Variants in RUSC2 observed in about 807,000 individuals in gnomAD.
RUSC2 encodes the protein AP-4 complex accessory subunit RUSC2.
In RUSC2, 34 loss-of-function variants were observed where a neutral mutation model predicts 122.2. That is an observed-to-expected ratio of 0.28 (90% CI 0.21 to 0.37). The LOEUF (loss-of-function observed/expected upper bound fraction) is 0.37, where lower values mean the gene tolerates loss of function less well. RUSC2 is among the 10% of genes least tolerant of loss of function. RUSC2 has a pLI of 1.00. For synonymous variants in RUSC2, 784 were observed against 790.0 expected, an observed-to-expected ratio of 0.99 and a Z score of 0.13; for missense variants, 1,747 against 1,952.4, an observed-to-expected ratio of 0.89 and a Z score of 1.98.
At chr9:35,509,673 C>T (rs1820978622) in intron 1 of RUSC2, among the ~76,000 whole-genome samples, 1 of 152,114 alleles carries the variant, frequency 6.6e-6, no homozygotes, top group African/African-American at 2.4e-5. Flanking sequence ...CTGTTGTAAA[C>T]TGGTAAATTG....
At chr9:35,529,615 C>T (rs1181325369) in intron 1 of RUSC2, among the ~76,000 whole-genome samples, 1 of 151,026 alleles carries the variant, frequency 6.6e-6, no homozygotes, top group Non-Finnish European at 1.5e-5. Context: ...AACCTATTGA[C>T]ACACTAGATG....
intron 1 of RUSC2, among the ~76,000 whole-genome samples, chr9:35,502,654 C>T (rs902586271): frequency 6.6e-6 from 1 of 151,996 alleles, no homozygotes; most frequent in Non-Finnish European, 1.5e-5. Context: ...CTACAAAAGA[C>T]AAGTATAAAA....
chr9:35,555,714 G>C lies in RUSC2; in HGVS notation c.2656+13G>C, dbSNP rs747572258. The C allele has an allele frequency of 6.3e-7, 1 of 1,575,582 alleles. No individual in the cohort carries two copies. Among genetic ancestry groups the C allele is most frequent in the Non-Finnish European group, 8.5e-7 (1 of 1,173,418 alleles). On this transcript the variant is annotated intron_variant, in intron 3 of 11. Coordinates refer to ENST00000361226, the MANE Select transcript of RUSC2 (RefSeq NM_014806.5). This position sits in a 1 kb window ranked among gnomAD's most constrained non-coding sequence, Gnocchi z 4.6. ...AGGCCCAGTAATGGTACGAGCTCCA[G>C]CATCTCCCTACCCAACCCGCCACCT... is the stretch of plus-strand genomic sequence containing the variant.
At position 35,546,986 on chromosome 9, in the gene RUSC2, G is replaced by T; in HGVS notation, c.465G>T (p.Val155=). ...AGCTGCCACCATCTGGCCCCAGAGT[G>T]GGCAGGCCATGGGGGACAACACGCA... is the stretch of plus-strand genomic sequence containing the variant. The part of the protein sequence containing the change: ...SFQLPPSGPR[V]GRPWGTTRSR... Residue 155 remains valine (V), a synonymous_variant, in exon 2 of 12, where the codon GTG becomes GTT. Coordinates refer to ENST00000361226, the MANE Select transcript of RUSC2 (RefSeq NM_014806.5). This position sits in a 1 kb window ranked among gnomAD's most constrained non-coding sequence, Gnocchi z 4.3. The T allele has an allele frequency of 3.1e-6, 5 of 1,594,750 alleles. No homozygotes were observed. The highest frequency in any genetic ancestry group is 4.3e-6 in the Non-Finnish European group (5 of 1,168,962).
intron 2 of RUSC2, among the ~76,000 whole-genome samples, chr9:35,554,121 G>A (rs1414725588): frequency 2.0e-5 from 3 of 152,160 alleles, no homozygotes; most frequent in African/African-American, 7.2e-5. Flanking sequence ...CTTTAGGCCG[G>A]GTGCGTGCTT....
At position 35,556,432 on chromosome 9, in the gene RUSC2, C is replaced by A. The variant is rs201160405; in HGVS notation, c.2967C>A (p.Asp989Glu). The part of the protein sequence containing the change: ...PDGSSEAISI[D>E]LLQKKGLVKA... Reference sequence around the variant, plus strand: ...GCAGCTCAGAGGCCATTTCCATTGACCTGCTTCAGAAAAAAGGTGCATACA... The same window carrying A: ...GCAGCTCAGAGGCCATTTCCATTGAACTGCTTCAGAAAAAAGGTGCATACA... Residue 989 changes from aspartate to glutamate, a missense_variant, in exon 5 of 12, where the codon GAC (aspartate) becomes GAA (glutamate). Coordinates refer to ENST00000361226, the MANE Select transcript of RUSC2 (RefSeq NM_014806.5). 3 of 1,613,994 alleles carry A rather than the reference C, an allele frequency of 1.9e-6. No homozygotes were observed. The highest frequency in any genetic ancestry group is 1.1e-5 in the South Asian group (1 of 91,072).
intron 1 of RUSC2, among the ~76,000 whole-genome samples, chr9:35,532,962 G>A (rs748477797): frequency 2.0e-5 from 3 of 151,506 alleles, no homozygotes; most frequent in Non-Finnish European, 4.4e-5. Context: ...TTTTGGTGTC[G>A]AGGCTGGGTG....
At chr9:35,513,919 TA>T (rs1821056547) in intron 1 of RUSC2, among the ~76,000 whole-genome samples, 1 of 143,850 alleles carries the variant, frequency 7.0e-6, no homozygotes, top group Non-Finnish European at 1.5e-5. Context: ...TATATATATA[TA>T]TATATATATA....
chr9:35,521,925 A>G (rs945720548), intron 1 of RUSC2, among the ~76,000 whole-genome samples: 2 of 152,246 alleles, frequency 1.3e-5, no homozygotes, highest in Non-Finnish European at 2.9e-5. Context: ...TATTCCATTT[A>G]TGGAATCAGA....
At position 35,548,993 on chromosome 9, in the gene RUSC2, C is replaced by A. The variant is rs550721131; in HGVS notation, c.2014+458C>A. 2.3e-6 allele frequency: 2 copies of A among 877,820 alleles called. No homozygotes were observed. The highest frequency in any genetic ancestry group is 6.2e-5 in the Admixed American group (1 of 16,144). The allele number at this position is 877,820 out of a possible 1,614,324, so 54.4% of individuals were successfully genotyped here. On this transcript the variant is annotated intron_variant, in intron 2 of 11. Coordinates refer to ENST00000361226, the MANE Select transcript of RUSC2 (RefSeq NM_014806.5). This position sits in a 1 kb window ranked among gnomAD's most constrained non-coding sequence, Gnocchi z 4.5. ...GTTGCACTGAGCTGAGATCATACCA[C>A]TGCACTCCAGCCTGGGCAGACAGAG...
chr9:35,521,199 C>T (rs1821207722), intron 1 of RUSC2, among the ~76,000 whole-genome samples: 2 of 152,096 alleles, frequency 1.3e-5, no homozygotes, highest in South Asian at 4.1e-4. Flanking sequence ...ATAATTAGAC[C>T]TGAAAAGGAC....
intron 1 of RUSC2, among the ~76,000 whole-genome samples, chr9:35,539,603 G>A (rs1587856928): frequency 6.6e-6 from 1 of 152,018 alleles, no homozygotes; most frequent in Non-Finnish European, 1.5e-5. Context: ...AGCTATACAT[G>A]CACATAGACA....
rs368916980 is a variant in RUSC2, at chr9:35,561,416, C to T, written c.*34C>T. ...GCATGCTGGTGGCCTCAGGGACCCT[C>T]ATAACCCCCAGACTCAGAGCCCGAG... On this transcript the variant is annotated 3_prime_UTR_variant, in exon 12 of 12. Coordinates refer to ENST00000361226, the MANE Select transcript of RUSC2 (RefSeq NM_014806.5). The T allele has an allele frequency of 5.3e-5, 82 of 1,550,456 alleles. No individual in the cohort carries two copies. Among genetic ancestry groups the T allele is most frequent in the Non-Finnish European group, 6.7e-5 (76 of 1,140,312 alleles).
At chr9:35,496,143 T>C (rs1820708334) in intron 1 of RUSC2, among the ~76,000 whole-genome samples, 1 of 151,456 alleles carries the variant, frequency 6.6e-6, no homozygotes, top group Admixed American at 6.6e-5. Flanking sequence ...CTAGACAGAG[T>C]CCGAACGAGA....
chr9:35,538,565 G>T (rs1315960976), intron 1 of RUSC2: 1 of 152,482 alleles, frequency 6.6e-6, no homozygotes, highest in East Asian at 1.9e-4. Context: ...GAGGTTTCTG[G>T]TTAAGATATG....
rs1822038421 is a variant in RUSC2, at chr9:35,557,130, A to C, written c.2983+682A>C. 6.6e-6 allele frequency among the ~76,000 whole-genome samples: 1 copy of C among 152,166 alleles called. No homozygotes were observed. Among genetic ancestry groups the C allele is most frequent in the African/African-American group, 2.4e-5 (1 of 41,436 alleles). On this transcript the variant is annotated intron_variant, in intron 5 of 11. Transcript: ENST00000361226. The surrounding 1 kb of genome is among the most constrained non-coding windows in gnomAD (Gnocchi z 4.6). The stretch of plus-strand genomic sequence containing the variant: ...ACATCTAGTAAGATGAAGATTGACA[A>C]GACCCACACTATTTAGCAAATAAGT...
chr9:35,550,244 G>A (rs916248023), intron 2 of RUSC2, among the ~76,000 whole-genome samples: 1 of 151,856 alleles, frequency 6.6e-6, no homozygotes, highest in Non-Finnish European at 1.5e-5. Context: ...ATCACTGGTT[G>A]TTTGGGTAGA....
Position 35,557,015 on chromosome 9 carries a change from C to T in RUSC2, c.2983+567C>T, listed in dbSNP as rs1032658008. On this transcript the variant is annotated intron_variant, in intron 5 of 11. Transcript: ENST00000361226. This position sits in a 1 kb window ranked among gnomAD's most constrained non-coding sequence, Gnocchi z 4.6. ...CAGTGAGCAAAGTCTCATGAGGAGG[C>T]TTCCATGTCATCAAAAAATGCCTCA... is the stretch of plus-strand genomic sequence containing the variant. Among the ~76,000 whole-genome samples the T allele has an allele frequency of 3.3e-5, 5 of 150,326 alleles. No individual in the cohort carries two copies. Among genetic ancestry groups the T allele is most frequent in the Non-Finnish European group, 7.4e-5 (5 of 67,736 alleles).
chr9:35,520,049 C>G (rs1251137219), intron 1 of RUSC2, among the ~76,000 whole-genome samples: 1 of 152,164 alleles, frequency 6.6e-6, no homozygotes, highest in East Asian at 1.9e-4. Flanking sequence ...CTTAAGTAAA[C>G]AAAAATATAT....
Sources: gnomAD v4.1 joint callset for allele counts (sites outside exome capture counted in the v4.1 genomes callset) on GRCh38, gnomAD v4.1.1 for gene constraint, Gnocchi (gnomAD v3.1) non-coding constraint, MANE v1.5 for transcripts, NCBI Gene and HGNC (gene_info 2026-07-23, HGNC 2026-07-21) for gene names.